Variants in PPARGC1A observed in about 807,000 individuals in gnomAD.
PPARGC1A encodes the protein peroxisome proliferator-activated receptor gamma coactivator 1-alpha.
Under a neutral mutation model 88.7 loss-of-function variants are expected in PPARGC1A, and 25 were observed. The observed-to-expected ratio is 0.28, with a 90% CI of 0.21 to 0.39. The LOEUF (loss-of-function observed/expected upper bound fraction) is 0.39. PPARGC1A is among the 10% of genes least tolerant of loss of function. The probability of loss-of-function intolerance (pLI) is 1.00; values close to 1 mark genes in which losing one functional copy is unlikely to be tolerated. For missense variants in PPARGC1A, 880 were observed against 968.7 expected (o/e 0.91, Z 1.22); for synonymous variants, 363 against 355.6 (o/e 1.02, Z -0.24).
the PPARGC1A span, among the ~76,000 whole-genome samples, chr4:23,962,237 T>C: frequency 6.6e-6 from 1 of 152,054 alleles, no homozygotes; most frequent in African/African-American, 2.4e-5. Flanking sequence ...AATTGTCAAA[T>C]TCTGTTGTAT....
chr4:24,321,561 AG>A, the PPARGC1A span, among the ~76,000 whole-genome samples: 1 of 152,234 alleles, frequency 6.6e-6, no homozygotes, highest in Non-Finnish European at 1.5e-5. Flanking sequence ...ATTTCTTCGC[AG>A]CGCTACCCTG....
chr4:24,369,925 A>G, the PPARGC1A span, among the ~76,000 whole-genome samples: 1 of 152,360 alleles, frequency 6.6e-6, no homozygotes, highest in South Asian at 2.1e-4. Flanking sequence ...AGTGGAGGCT[A>G]GTAGGTGGGC....
the PPARGC1A span, among the ~76,000 whole-genome samples, chr4:23,968,270 C>G: frequency 6.6e-6 from 1 of 152,198 alleles, no homozygotes; most frequent in African/African-American, 2.4e-5. Flanking sequence ...GTAGGGCATA[C>G]AGCACTGTAT....
the PPARGC1A span, among the ~76,000 whole-genome samples, chr4:24,412,819 A>G: frequency 6.6e-6 from 1 of 151,988 alleles, no homozygotes; most frequent in Non-Finnish European, 1.5e-5. Context: ...CCCACCATTT[A>G]CCCATTATCT....
the PPARGC1A span, among the ~76,000 whole-genome samples, chr4:23,992,668 T>TAAAAGAC: frequency 6.6e-6 from 1 of 151,118 alleles, no homozygotes; most frequent in Non-Finnish European, 1.5e-5. Flanking sequence ...TGTTCCCATT[T>TAAAAGAC]TAAAAGACTG....
chr4:23,910,111 ATG>A, the PPARGC1A span, among the ~76,000 whole-genome samples: 4 of 134,362 alleles, frequency 3.0e-5, no homozygotes, highest in East Asian at 4.3e-4. Flanking sequence ...ATATATGTAT[ATG>A]TGTGTGTATA....
chr4:24,289,436 C>T, the PPARGC1A span, among the ~76,000 whole-genome samples: 2 of 152,296 alleles, frequency 1.3e-5, no homozygotes, highest in South Asian at 4.1e-4. Flanking sequence ...TCCTCCAACC[C>T]TCTGGGACAT....
At chr4:24,309,386 C>A in the PPARGC1A span, among the ~76,000 whole-genome samples, 4 of 152,032 alleles carry the variant, frequency 2.6e-5, no homozygotes, top group African/African-American at 9.7e-5. Context: ...AAGATTGGAA[C>A]CTGTTCAACA....
chr4:24,194,669 C>CACACACACACA, the PPARGC1A span, among the ~76,000 whole-genome samples: 39 of 40,238 alleles, frequency 9.7e-4, no homozygotes, highest in African/African-American at 1.4e-3. Context: ...CACACACACA[C>CACACACACACA]CCCCATCAAG....
the PPARGC1A span, among the ~76,000 whole-genome samples, chr4:24,387,765 AG>A: frequency 1.8e-3 from 142 of 77,456 alleles, 1 homozygote; most frequent in African/African-American, 5.3e-3. Context: ...AGAGAGAGAG[AG>A]AGAAAGAAAG....
the PPARGC1A span, among the ~76,000 whole-genome samples, chr4:24,281,725 G>A: frequency 6.6e-6 from 1 of 152,078 alleles, no homozygotes. Context: ...TTCCATGAAG[G>A]GCAGAGATCA....
At chr4:24,469,041 T>G in the PPARGC1A span, among the ~76,000 whole-genome samples, 1 of 152,198 alleles carries the variant, frequency 6.6e-6, no homozygotes, top group African/African-American at 2.4e-5. Flanking sequence ...GAAAAGGATT[T>G]TTAATTGAGG....
intron 2 of PPARGC1A, among the ~76,000 whole-genome samples, chr4:23,836,997 T>A (rs1726143169): frequency 6.6e-6 from 1 of 152,176 alleles, no homozygotes; most frequent in Admixed American, 6.5e-5. Flanking sequence ...GAAAGGACCA[T>A]GCCCTGCTTA....
chr4:24,156,689 C>A, the PPARGC1A span, among the ~76,000 whole-genome samples: 1 of 151,622 alleles, frequency 6.6e-6, no homozygotes, highest in East Asian at 1.9e-4. Context: ...ATTCTAAATA[C>A]CAAAGATTAA....
intron 2 of PPARGC1A, among the ~76,000 whole-genome samples, chr4:23,859,599 G>C (rs905623870): frequency 6.6e-6 from 1 of 151,952 alleles, no homozygotes. Flanking sequence ...GGCTAACACA[G>C]TGAAACCTCG....
chr4:24,468,272 G>A, the PPARGC1A span, among the ~76,000 whole-genome samples: 1 of 152,190 alleles, frequency 6.6e-6, no homozygotes, highest in South Asian at 2.1e-4. Context: ...CTCGGTTTTG[G>A]AAGCTTGCAC....
chr4:24,065,468 G>A, the PPARGC1A span, among the ~76,000 whole-genome samples: 2 of 152,134 alleles, frequency 1.3e-5, no homozygotes, highest in South Asian at 2.1e-4. Context: ...CTTGTTCTCC[G>A]TTCGGCAATG....
chr4:24,152,993 A>G, the PPARGC1A span, among the ~76,000 whole-genome samples: 1 of 152,228 alleles, frequency 6.6e-6, no homozygotes, highest in Non-Finnish European at 1.5e-5. Flanking sequence ...AAACAAACAC[A>G]ATTGATGAAT....
At chr4:24,433,904 C>T in the PPARGC1A span, among the ~76,000 whole-genome samples, 25 of 152,160 alleles carry the variant, frequency 1.6e-4, no homozygotes, top group African/African-American at 5.8e-4. Flanking sequence ...TCTTATAAAG[C>T]CTTTATTAAC....
Sources: gnomAD v4.1 joint callset for allele counts (sites outside exome capture counted in the v4.1 genomes callset) on GRCh38, gnomAD v4.1.1 for gene constraint, MANE v1.5 for transcripts, NCBI Gene and HGNC (gene_info 2026-07-23, HGNC 2026-07-21) for gene names.